The following LRRC4C variants were observed in gnomAD, a reference collection of about 807,000 sequenced individuals.
LRRC4C encodes leucine-rich repeat-containing protein 4C.
In LRRC4C, 5 loss-of-function variants were observed where a neutral mutation model predicts 33.6. That is an observed-to-expected ratio of 0.15 (90% CI 0.08 to 0.31). The LOEUF (loss-of-function observed/expected upper bound fraction) is 0.31, where lower values mean the gene tolerates loss of function less well. LRRC4C is among the 10% of genes least tolerant of loss of function. The pLI is 1.00. For synonymous variants in LRRC4C, 329 were observed against 302.0 expected (o/e 1.09, Z -0.93); for missense variants, 560 against 796.7 (o/e 0.70, Z 3.58).
intron 3 of LRRC4C, among the ~76,000 whole-genome samples, chr11:40,373,390 A>G (rs577726935): frequency 6.6e-6 from 1 of 152,312 alleles, no homozygotes; most frequent in Admixed American, 6.5e-5. Context: ...CAAGTGGTGA[A>G]ATGAGAGAAG....
intron 4 of LRRC4C, among the ~76,000 whole-genome samples, chr11:40,254,843 C>G (rs1203474938): frequency 6.6e-6 from 1 of 152,136 alleles, no homozygotes. Context: ...GGATCTCACT[C>G]TGTCACCCAG....
chr11:40,378,635 T>A (rs1048095592), intron 3 of LRRC4C, among the ~76,000 whole-genome samples: 75 of 152,226 alleles, frequency 4.9e-4, no homozygotes, highest in African/African-American at 1.8e-3. Context: ...ATGATATGTA[T>A]TGTTCAGTGA....
chr11:40,816,310 C>T (rs954287023), intron 2 of LRRC4C, among the ~76,000 whole-genome samples: 104 of 152,302 alleles, frequency 6.8e-4, no homozygotes, highest in African/African-American at 2.3e-3. Flanking sequence ...GGATTTTACT[C>T]TTCACTCTCC....
intron 5 of LRRC4C, among the ~76,000 whole-genome samples, chr11:40,175,337 C>G (rs1860385597): frequency 6.6e-6 from 1 of 152,208 alleles, no homozygotes; most frequent in African/African-American, 2.4e-5. Flanking sequence ...GCTTTGCTGC[C>G]TTAACTCAAC....
intron 2 of LRRC4C, among the ~76,000 whole-genome samples, chr11:40,816,850 G>A (rs1293064912): frequency 1.3e-5 from 2 of 152,102 alleles, no homozygotes; most frequent in Non-Finnish European, 2.9e-5. Flanking sequence ...TTTTGCAAAA[G>A]ATATTATATT....
intron 4 of LRRC4C, among the ~76,000 whole-genome samples, chr11:40,264,975 A>G (rs972546227): frequency 1.3e-5 from 2 of 152,176 alleles, no homozygotes; most frequent in African/African-American, 2.4e-5. Context: ...CTAAACGGCT[A>G]AAGGTCAAGG....
intron 1 of LRRC4C, among the ~76,000 whole-genome samples, chr11:41,076,261 A>C (rs1003427525): frequency 1.3e-5 from 2 of 152,194 alleles, no homozygotes; most frequent in African/African-American, 2.4e-5. Context: ...TTTTGATTCA[A>C]CCATTTTCCC....
chr11:40,650,835 A>G (rs1181085384), intron 2 of LRRC4C, among the ~76,000 whole-genome samples: 2 of 152,202 alleles, frequency 1.3e-5, no homozygotes, highest in East Asian at 3.9e-4. Context: ...GCCCATAAGA[A>G]TCATTATGAC....
chr11:40,978,474 A>G (rs990780013), intron 1 of LRRC4C, among the ~76,000 whole-genome samples: 1 of 152,200 alleles, frequency 6.6e-6, no homozygotes, highest in Non-Finnish European at 1.5e-5. Context: ...ACTGTTTTCT[A>G]GTAGGTAGAG....
At chr11:40,938,569 T>G (rs558570854) in intron 1 of LRRC4C, among the ~76,000 whole-genome samples, 1 of 152,280 alleles carries the variant, frequency 6.6e-6, no homozygotes, top group Non-Finnish European at 1.5e-5. Context: ...TGTCATTCAT[T>G]AGTTTTAACC....
chr11:41,056,480 C>T (rs1430246093), intron 1 of LRRC4C, among the ~76,000 whole-genome samples: 1 of 152,142 alleles, frequency 6.6e-6, no homozygotes, highest in Non-Finnish European at 1.5e-5. Context: ...AACAGACAAC[C>T]TACAGATTGA....
intron 2 of LRRC4C, among the ~76,000 whole-genome samples, chr11:40,670,543 C>G (rs570656918): frequency 2.6e-5 from 4 of 152,046 alleles, no homozygotes; most frequent in Non-Finnish European, 5.9e-5. Flanking sequence ...TTTCCCATTT[C>G]CTGAAGGATA....
intron 3 of LRRC4C, among the ~76,000 whole-genome samples, chr11:40,485,173 T>G (rs1475491209): frequency 1.3e-5 from 2 of 151,906 alleles, no homozygotes; most frequent in African/African-American, 2.4e-5. Context: ...CTGGCCAAAT[T>G]TGATATAATT....
intron 2 of LRRC4C, among the ~76,000 whole-genome samples, chr11:40,876,887 G>T (rs959633539): frequency 7.5e-5 from 10 of 133,034 alleles, no homozygotes; most frequent in African/African-American, 2.8e-4. Context: ...TGGCAACAGA[G>T]CGAGGCTCTT....
intron 4 of LRRC4C, among the ~76,000 whole-genome samples, chr11:40,247,547 T>C (rs1866443946): frequency 6.6e-6 from 1 of 152,226 alleles, no homozygotes; most frequent in Admixed American, 6.5e-5. Context: ...AATGAGATTC[T>C]ATCACTTATC....
At chr11:41,031,123 A>C (rs1856705084) in intron 1 of LRRC4C, among the ~76,000 whole-genome samples, 1 of 151,976 alleles carries the variant, frequency 6.6e-6, no homozygotes, top group Non-Finnish European at 1.5e-5. Context: ...GGCTGCTTAG[A>C]GCTGAAGGCC....
chr11:41,279,430 CGT>C (rs1555134497), intron 1 of LRRC4C, among the ~76,000 whole-genome samples: 2 of 92,524 alleles, frequency 2.2e-5, no homozygotes, highest in Non-Finnish European at 5.1e-5. Flanking sequence ...ACACACACAC[CGT>C]GGCAATCACT....
intron 1 of LRRC4C, among the ~76,000 whole-genome samples, chr11:41,191,339 C>G (rs1590888699): frequency 6.6e-6 from 1 of 152,236 alleles, no homozygotes; most frequent in Admixed American, 6.5e-5. Flanking sequence ...AAAAACGTTC[C>G]TGATTTTTCA....
Position 40,664,728 on chromosome 11 carries a change from C to CA in LRRC4C, c.-406-16451dup, listed in dbSNP as rs1943625219. The stretch of plus-strand genomic sequence containing the variant: ...TCAAGAAACAAGGAACAAATAATCC[C>CA]AAAGAATAGGTCAGATAACATAATG... On this transcript the variant is annotated intron_variant, in intron 2 of 6. Coordinates refer to ENST00000528697, the MANE Select transcript of LRRC4C (RefSeq NM_001258419.2). Among the ~76,000 whole-genome samples the CA allele has an allele frequency of 3.3e-5, 5 of 151,598 alleles. No homozygotes were observed. The South Asian group carries it at 8.4e-4, about 25-fold the overall frequency.
Sources: gnomAD v4.1 joint callset for allele counts (sites outside exome capture counted in the v4.1 genomes callset) on GRCh38, gnomAD v4.1.1 for gene constraint, MANE v1.5 for transcripts, NCBI Gene and HGNC (gene_info 2026-07-23, HGNC 2026-07-21) for gene names.